Variants in RMDN2 observed in about 807,000 individuals in gnomAD.
RMDN2 encodes regulator of microtubule dynamics 2.
In RMDN2, 61 loss-of-function variants were observed where a neutral mutation model predicts 52.8. That is an observed-to-expected ratio of 1.16 (90% CI 0.94 to 1.43). RMDN2 has a LOEUF of 1.43. RMDN2 is among the 40% of genes most tolerant of loss of function. The pLI, the probability that RMDN2 is intolerant of heterozygous loss-of-function variation, is 0.00. For synonymous variants in RMDN2, 180 were observed against 153.1 expected, an observed-to-expected ratio of 1.18 and a Z score of -1.30; for missense variants, 592 against 475.3, an observed-to-expected ratio of 1.25 and a Z score of -2.28.
At chr2:38,041,378 G>A (rs987233617) in intron 10 of RMDN2, among the ~76,000 whole-genome samples, 4 of 146,634 alleles carry the variant, frequency 2.7e-5, no homozygotes, top group African/African-American at 7.5e-5. Context: ...AGTCAGACAT[G>A]TCATCTACAA....
chr2:38,060,380 C>T (rs1216596188), intron 10 of RMDN2, among the ~76,000 whole-genome samples: 1 of 152,182 alleles, frequency 6.6e-6, no homozygotes, highest in African/African-American at 2.4e-5. Flanking sequence ...GGAAAACACA[C>T]AGTGAAAAGT....
intron 2 of RMDN2, among the ~76,000 whole-genome samples, chr2:37,945,486 A>T (rs190752829): frequency 6.6e-6 from 1 of 152,186 alleles, no homozygotes; most frequent in African/African-American, 2.4e-5. Context: ...CTACCAGCAC[A>T]TCTACAAATG....
chr2:37,949,723 A>C (rs191318145), intron 2 of RMDN2, among the ~76,000 whole-genome samples: 59 of 152,224 alleles, frequency 3.9e-4, no homozygotes, highest in African/African-American at 1.4e-3. Flanking sequence ...AGGCGGTAGT[A>C]GTATTTAGGA....
intron 4 of RMDN2, among the ~76,000 whole-genome samples, chr2:37,979,839 T>G (rs1356066951): frequency 6.6e-6 from 1 of 152,196 alleles, no homozygotes; most frequent in Non-Finnish European, 1.5e-5. Context: ...TTTGGTAATG[T>G]AGCTAAAAAA....
chr2:38,052,236 T>C (rs1174028780), intron 10 of RMDN2, among the ~76,000 whole-genome samples: 1 of 152,230 alleles, frequency 6.6e-6, no homozygotes, highest in East Asian at 1.9e-4. Context: ...TGATATCTCA[T>C]GGTGGTCTTA....
intron 7 of RMDN2, among the ~76,000 whole-genome samples, chr2:37,995,714 T>G (rs1417766798): frequency 6.6e-6 from 1 of 152,216 alleles, no homozygotes; most frequent in East Asian, 1.9e-4. Flanking sequence ...GCAGAATGTG[T>G]GCTAAAATGG....
chr2:37,951,830 A>T, intron 2 of RMDN2: 2 of 1,613,730 alleles, frequency 1.2e-6, no homozygotes, highest in Non-Finnish European at 1.7e-6. Context: ...CTATTGATAC[A>T]GCCTCCTATC....
intron 4 of RMDN2, 107 bp downstream of exon 4, chr2:37,975,421 G>T: frequency 1.6e-6 from 1 of 633,318 alleles, no homozygotes; most frequent in East Asian, 3.0e-5. Flanking sequence ...CATGGATGAA[G>T]CTGGAAACCA....
chr2:38,064,606 C>G (rs1355138851), intron 10 of RMDN2, among the ~76,000 whole-genome samples: 1 of 152,112 alleles, frequency 6.6e-6, no homozygotes, highest in Non-Finnish European at 1.5e-5. Context: ...AAAACTCACT[C>G]CCCTTTTTTC....
chr2:37,994,054 A>G (rs1268935052), intron 7 of RMDN2, among the ~76,000 whole-genome samples: 1 of 152,226 alleles, frequency 6.6e-6, no homozygotes, highest in Admixed American at 6.5e-5. Flanking sequence ...AGGTACCTTT[A>G]GATAGGCTTT....
chr2:38,017,923 T>C (rs1259134606), downstream of RMDN2, among the ~76,000 whole-genome samples: 4 of 151,944 alleles, frequency 2.6e-5, no homozygotes, highest in African/African-American at 9.7e-5. Flanking sequence ...CAAAGGGCCT[T>C]GTTCTCTGCC....
At chr2:37,951,214 A>T (rs563378744) in intron 2 of RMDN2, 2 of 1,533,680 alleles carry the variant, frequency 1.3e-6, no homozygotes, top group East Asian at 2.2e-5. Context: ...TCCTCATTTG[A>T]CCCTTTTCTC....
intron 2 of RMDN2, among the ~76,000 whole-genome samples, chr2:37,955,802 C>T (rs1961553): frequency 0.4 from 60,268 of 151,914 alleles, 12,896 homozygotes; most frequent in South Asian, 0.52. Context: ...TTCCCAGTCT[C>T]GGGTATGTCT....
chr2:38,006,835 G>C (rs1007196127), intron 10 of RMDN2, among the ~76,000 whole-genome samples: 13 of 152,186 alleles, frequency 8.5e-5, no homozygotes, highest in African/African-American at 3.1e-4. Context: ...GATACTGGCT[G>C]TGGGTTTGTC....
At chr2:37,962,821 C>A (rs75059416) in intron 2 of RMDN2, among the ~76,000 whole-genome samples, 2 of 152,116 alleles carry the variant, frequency 1.3e-5, no homozygotes, top group African/African-American at 2.4e-5. Flanking sequence ...AACCCAGGGC[C>A]CTTTTGGTGT....
intron 2 of RMDN2, among the ~76,000 whole-genome samples, chr2:37,948,410 G>C (rs112422777): frequency 0.015 from 2,221 of 152,230 alleles, 53 homozygotes; most frequent in African/African-American, 0.049. Context: ...ACTGACCTAG[G>C]TGAGAATAGA....
intron 10 of RMDN2, among the ~76,000 whole-genome samples, chr2:38,041,877 T>C (rs1384516703): frequency 2.0e-5 from 3 of 152,216 alleles, no homozygotes; most frequent in African/African-American, 7.2e-5. Context: ...TAAGGATTAT[T>C]TTATCATTTT....
At chr2:37,931,371 C>G (rs1394509891) in intron 2 of RMDN2, among the ~76,000 whole-genome samples, 1 of 152,182 alleles carries the variant, frequency 6.6e-6, no homozygotes, top group African/African-American at 2.4e-5. Flanking sequence ...TTATCGAAGA[C>G]AAACCAGGTG....
At chr2:37,946,439 C>T (rs1033596838) in intron 2 of RMDN2, among the ~76,000 whole-genome samples, 13 of 152,280 alleles carry the variant, frequency 8.5e-5, no homozygotes, top group African/African-American at 1.9e-4. Context: ...TATCAATTTA[C>T]GTGTCTTAGG....
Sources: allele counts gnomAD v4.1 joint callset (sites outside exome capture counted in the v4.1 genomes callset), GRCh38; gene constraint gnomAD v4.1.1; transcripts MANE v1.5; gene names NCBI Gene and HGNC (gene_info 2026-07-23, HGNC 2026-07-21).